SNUPN: variants seen among roughly 807,000 people sequenced by gnomAD.
The protein encoded by SNUPN is snurportin 1.
A neutral mutation model predicts 39.2 loss-of-function variants in SNUPN; 31 were observed. The observed-to-expected ratio is 0.79, with a 90% CI of 0.59 to 1.07. SNUPN has a LOEUF of 1.07. Among genes scored for constraint, SNUPN ranks in the 50% least tolerant of loss-of-function variants. The probability of loss-of-function intolerance (pLI) is 0.00; values close to 1 mark genes in which losing one functional copy is unlikely to be tolerated. For synonymous variants in SNUPN, 132 were observed against 159.0 expected, an observed-to-expected ratio of 0.83 and a Z score of 1.28; for missense variants, 382 against 434.2, an observed-to-expected ratio of 0.88 and a Z score of 1.07.
At chr15:75,603,081 C>T (rs1233772860) in intron 7 of SNUPN, among the ~76,000 whole-genome samples, 1 of 147,342 alleles carries the variant, frequency 6.8e-6, no homozygotes, top group African/African-American at 2.5e-5. Flanking sequence ...CAAAGTCTCG[C>T]TCCCTCACCC....
chr15:75,615,040 C>T (rs1892888259), intron 3 of SNUPN, among the ~76,000 whole-genome samples: 1 of 152,328 alleles, frequency 6.6e-6, no homozygotes, highest in Admixed American at 6.5e-5. Context: ...ACTTCTTATA[C>T]TGCCTCTCAT....
At chr15:75,609,285 G>A (rs111274645) in intron 5 of SNUPN, among the ~76,000 whole-genome samples, 23,628 of 148,478 alleles carry the variant, frequency 0.16, 2,405 homozygotes, top group Non-Finnish European at 0.24. Context: ...CGCTTCCTGG[G>A]TTCACGCCAT....
intron 6 of SNUPN, among the ~76,000 whole-genome samples, chr15:75,605,629 T>G (rs550632409): frequency 1.3e-5 from 2 of 152,320 alleles, no homozygotes; most frequent in African/African-American, 4.8e-5. Context: ...ATTATTTTGC[T>G]TTTGGAAATT....
intron 8 of SNUPN, among the ~76,000 whole-genome samples, chr15:75,599,901 G>A (rs1031045650): frequency 4.0e-5 from 6 of 150,956 alleles, no homozygotes; most frequent in Admixed American, 1.3e-4. Flanking sequence ...AGTGGAGTGC[G>A]GTGGTGCGAT....
At chr15:75,613,120 G>A (rs986329144) in intron 3 of SNUPN, among the ~76,000 whole-genome samples, 4 of 152,002 alleles carry the variant, frequency 2.6e-5, no homozygotes, top group South Asian at 2.1e-4. Context: ...TTAGCCGGGC[G>A]CGGTGGCGGG....
intron 1 of SNUPN, among the ~76,000 whole-genome samples, chr15:75,624,088 C>G (rs1028735691): frequency 3.3e-5 from 5 of 149,548 alleles, no homozygotes; most frequent in Non-Finnish European, 7.4e-5. Flanking sequence ...CCACTACGCC[C>G]GGCTAATTTT....
chr15:75,603,692 T>G (rs1169123000), intron 7 of SNUPN, among the ~76,000 whole-genome samples: 1 of 148,708 alleles, frequency 6.7e-6, no homozygotes, highest in Non-Finnish European at 1.5e-5. Context: ...GCTCTCCAGC[T>G]GATTTTAACA....
intron 7 of SNUPN, among the ~76,000 whole-genome samples, chr15:75,604,168 T>TC (rs1039411066): frequency 3.4e-5 from 5 of 149,200 alleles, no homozygotes; most frequent in African/African-American, 1.2e-4. Flanking sequence ...TTTTTTTTTT[T>TC]TTTTTTTTTT....
chr15:75,618,684 C>T (rs1271137838), intron 2 of SNUPN, among the ~76,000 whole-genome samples: 1 of 152,130 alleles, frequency 6.6e-6, no homozygotes, highest in Non-Finnish European at 1.5e-5. Context: ...CATACATGTT[C>T]ATGCTCATTA....
At chr15:75,616,247 G>A (rs1261906887) in intron 3 of SNUPN, among the ~76,000 whole-genome samples, 2 of 151,198 alleles carry the variant, frequency 1.3e-5, no homozygotes, top group African/African-American at 4.9e-5. Flanking sequence ...ACCTGAGGTC[G>A]GGAGTTCGAG....
chr15:75,601,047 C>A (rs2141359865), intron 8 of SNUPN, 91 bp downstream of exon 8: 1 of 959,376 alleles, frequency 1.0e-6, no homozygotes, highest in South Asian at 1.3e-5. Flanking sequence ...TTTGACACAG[C>A]ACAATCAAGG....
At chr15:75,619,945 C>T (rs771113141) in intron 2 of SNUPN, among the ~76,000 whole-genome samples, 2 of 152,052 alleles carry the variant, frequency 1.3e-5, no homozygotes, top group South Asian at 2.1e-4. Context: ...GACAAGTTTT[C>T]GCCATGTTGG....
At chr15:75,613,642 C>CAAAAAAAAAA (rs58623437) in intron 3 of SNUPN, among the ~76,000 whole-genome samples, 1 of 128,550 alleles carries the variant, frequency 7.8e-6, no homozygotes. Context: ...GACTCCAACT[C>CAAAAAAAAAA]AAAAAAAAAA....
intron 4 of SNUPN, 35 bp downstream of exon 4, chr15:75,609,855 A>G: frequency 6.7e-7 from 1 of 1,494,818 alleles, no homozygotes. Flanking sequence ...ACTACAGACC[A>G]GGCCTACTGG....
At chr15:75,608,569 T>C (rs549503496) in intron 5 of SNUPN, among the ~76,000 whole-genome samples, 3 of 152,240 alleles carry the variant, frequency 2.0e-5, no homozygotes, top group East Asian at 3.9e-4. Flanking sequence ...GAACCTAAGG[T>C]TACAACAATG....
chr15:75,607,210 C>A lies in SNUPN; in HGVS notation c.600+6G>T, dbSNP rs751732175. ...GAAGAGCCACGAGAGGAGGATCCAT[C>A]CCTACCTGGCAATCATAAAAAGGGT... On this transcript the variant is annotated splice_donor_region_variant and intron_variant, in intron 6 of 8. Coordinates refer to ENST00000308588, the MANE Select transcript of SNUPN (RefSeq NM_005701.4). 2.5e-5 allele frequency: 40 copies of A among 1,604,864 alleles called. No homozygotes were observed. The highest frequency in any genetic ancestry group is 3.0e-5 in the Non-Finnish European group (35 of 1,171,778).
At chr15:75,608,170 C>A (rs1034258107) in intron 5 of SNUPN, among the ~76,000 whole-genome samples, 2 of 152,006 alleles carry the variant, frequency 1.3e-5, no homozygotes, top group African/African-American at 4.8e-5. Flanking sequence ...GGCTTTGAGC[C>A]CAGGAGTTTC....
intron 8 of SNUPN, 188 bp downstream of exon 8, chr15:75,600,950 T>C: frequency 1.9e-6 from 1 of 530,288 alleles, no homozygotes; most frequent in Admixed American, 3.1e-5. Flanking sequence ...GCCAGCATTC[T>C]GACTTATCCA....
rs201293224 is a variant in SNUPN, at chr15:75,601,197, T to C, written c.700A>G (p.Asn234Asp). 397 of 1,613,208 alleles carry C rather than the reference T, an allele frequency of 2.5e-4. No homozygotes were observed. Among genetic ancestry groups the C allele is most frequent in the Non-Finnish European group, 3.3e-4 (390 of 1,179,236 alleles). The change falls in exon 8 of 9, where the codon AAC (asparagine) becomes GAC (aspartate). Residue 234 changes from asparagine (N) to aspartate (D), a missense_variant. Asn to Asp is a conservative substitution (Grantham distance 23). Coordinates refer to ENST00000308588, the MANE Select transcript of SNUPN (RefSeq NM_005701.4). ...LNPFKFVGLK[N>D]FPCTPESLCD... is the part of the protein sequence containing the mutation. ...AGGCTTTCGGGAGTGCAAGGGAAGT[T>C]CTTTAGCCCCACAAATTTAAACTGA...
Sources: gnomAD v4.1 joint callset for allele counts (sites outside exome capture counted in the v4.1 genomes callset) on GRCh38, gnomAD v4.1.1 for gene constraint, MANE v1.5 for transcripts, NCBI Gene and HGNC (gene_info 2026-07-23, HGNC 2026-07-21) for gene names.